Variants in RABGAP1L observed in about 807,000 individuals in gnomAD.
The protein encoded by RABGAP1L is rab GTPase-activating protein 1-like.
In RABGAP1L, 63 loss-of-function variants were observed where a neutral mutation model predicts 137.7. The ratio of observed to expected loss-of-function variants is 0.46; its 90% CI spans 0.37 to 0.56. RABGAP1L has a LOEUF of 0.56. RABGAP1L is among the 20% of genes least tolerant of loss of function. The pLI is 0.00. For synonymous variants in RABGAP1L, 431 were observed against 433.7 expected (o/e 0.99, Z 0.08); for missense variants, 1,095 against 1,244.0 (o/e 0.88, Z 1.80).
intron 13 of RABGAP1L, among the ~76,000 whole-genome samples, chr1:174,504,403 C>G (rs868617281): frequency 3.1e-4 from 45 of 144,572 alleles, no homozygotes; most frequent in African/African-American, 1.2e-3. Flanking sequence ...ATAGCCAAAG[C>G]AAACTTGAGG....
At chr1:174,925,876 G>GT (rs1427562681) in intron 19 of RABGAP1L, among the ~76,000 whole-genome samples, 2,251 of 108,258 alleles carry the variant, frequency 0.021, 16 homozygotes, top group Non-Finnish European at 0.036. Context: ...TTTTGTTTTT[G>GT]TTTTTTTTTT....
At chr1:174,384,115 A>G (rs928617522) in intron 12 of RABGAP1L, among the ~76,000 whole-genome samples, 6 of 152,232 alleles carry the variant, frequency 3.9e-5, no homozygotes, top group Non-Finnish European at 5.9e-5. Flanking sequence ...ATGAACTGAT[A>G]TACATTACAA....
chr1:174,339,093 G>C (rs1217960062), intron 11 of RABGAP1L, among the ~76,000 whole-genome samples: 1 of 152,054 alleles, frequency 6.6e-6, no homozygotes, highest in East Asian at 1.9e-4. Context: ...TTATATAATA[G>C]ATTTTCTTTG....
intron 13 of RABGAP1L, among the ~76,000 whole-genome samples, chr1:174,497,837 T>G (rs1346011602): frequency 6.6e-6 from 1 of 152,238 alleles, no homozygotes; most frequent in East Asian, 1.9e-4. Context: ...ACTGATTAGC[T>G]ACTTCATCTG....
At chr1:174,329,740 A>G (rs1680851615) in intron 11 of RABGAP1L, among the ~76,000 whole-genome samples, 1 of 152,178 alleles carries the variant, frequency 6.6e-6, no homozygotes, top group African/African-American at 2.4e-5. Context: ...TGGTCATTTC[A>G]ATTGATACAG....
intron 10 of RABGAP1L, among the ~76,000 whole-genome samples, chr1:174,301,104 T>G (rs1316724483): frequency 6.6e-6 from 1 of 152,052 alleles, no homozygotes; most frequent in East Asian, 1.9e-4. Flanking sequence ...GACTGTGTAT[T>G]CAACCTCTGG....
chr1:174,166,286 G>C (rs1216879308), intron 1 of RABGAP1L, among the ~76,000 whole-genome samples: 1 of 152,016 alleles, frequency 6.6e-6, no homozygotes, highest in Non-Finnish European at 1.5e-5. Flanking sequence ...GGCTGTAGTA[G>C]AACAGGAAGC....
chr1:174,463,456 G>A (rs140403966), intron 13 of RABGAP1L, among the ~76,000 whole-genome samples: 2,644 of 142,678 alleles, frequency 0.019, 72 homozygotes, highest in African/African-American at 0.065. Context: ...GGTGGGAATC[G>A]AACAATGAGA....
chr1:174,548,594 C>G (rs1035814994), intron 13 of RABGAP1L: 1 of 963,966 alleles, frequency 1.0e-6, no homozygotes, highest in Non-Finnish European at 1.2e-6. Flanking sequence ...TTCATACCCA[C>G]AGAAATTTGC....
At chr1:174,241,925 T>A (rs939890946) in intron 5 of RABGAP1L, among the ~76,000 whole-genome samples, 1 of 152,220 alleles carries the variant, frequency 6.6e-6, no homozygotes, top group Non-Finnish European at 1.5e-5. Flanking sequence ...AGTAAATTGC[T>A]TATGCTCAGA....
chr1:174,691,489 C>G (rs1457760557), intron 15 of RABGAP1L, among the ~76,000 whole-genome samples: 1 of 152,114 alleles, frequency 6.6e-6, no homozygotes, highest in Non-Finnish European at 1.5e-5. Context: ...TTACATCACT[C>G]AATTCTCAAT....
chr1:174,894,810 G>T (rs1656864257), intron 19 of RABGAP1L, among the ~76,000 whole-genome samples: 1 of 152,150 alleles, frequency 6.6e-6, no homozygotes, highest in Non-Finnish European at 1.5e-5. Flanking sequence ...TGGCTGTAGT[G>T]CAGTGACACG....
chr1:174,758,089 A>G (rs777034131), intron 18 of RABGAP1L, among the ~76,000 whole-genome samples: 2 of 151,372 alleles, frequency 1.3e-5, no homozygotes, highest in African/African-American at 2.4e-5. Flanking sequence ...CCTTTCCAGT[A>G]TGGTTTTTCC....
chr1:174,285,073 G>T (rs1354117187), intron 10 of RABGAP1L, among the ~76,000 whole-genome samples: 1 of 152,098 alleles, frequency 6.6e-6, no homozygotes, highest in Admixed American at 6.5e-5. Flanking sequence ...CTGGAGTGCA[G>T]TGGTATGATC....
At chr1:174,239,604 T>C (rs1413343884) in intron 4 of RABGAP1L, among the ~76,000 whole-genome samples, 2 of 152,182 alleles carry the variant, frequency 1.3e-5, no homozygotes, top group African/African-American at 4.8e-5. Context: ...TGAATTGATA[T>C]TATATTTATT....
At chr1:174,208,197 G>A (rs1668628533) in intron 1 of RABGAP1L, among the ~76,000 whole-genome samples, 2 of 151,728 alleles carry the variant, frequency 1.3e-5, no homozygotes, top group Admixed American at 6.6e-5. Flanking sequence ...ATGTAGGGAG[G>A]ATAGTGACTT....
At chr1:174,942,355 C>G (rs1666034749) in intron 19 of RABGAP1L, among the ~76,000 whole-genome samples, 2 of 152,044 alleles carry the variant, frequency 1.3e-5, no homozygotes, top group African/African-American at 4.8e-5. Flanking sequence ...CAATTTGAAG[C>G]AGTATATATA....
At chr1:174,627,319 G>A (rs1673001453) in intron 13 of RABGAP1L, among the ~76,000 whole-genome samples, 1 of 152,138 alleles carries the variant, frequency 6.6e-6, no homozygotes, top group African/African-American at 2.4e-5. Flanking sequence ...AAAAATAATA[G>A]GCTGTGGTCA....
chr1:174,868,178 C>CA (rs1651612056), intron 19 of RABGAP1L, among the ~76,000 whole-genome samples: 1 of 151,834 alleles, frequency 6.6e-6, no homozygotes, highest in Admixed American at 6.6e-5. Context: ...AGGCTGGTCT[C>CA]GAACTCCTGA....
Sources: gnomAD v4.1 joint callset for allele counts (sites outside exome capture counted in the v4.1 genomes callset) on GRCh38, gnomAD v4.1.1 for gene constraint, MANE v1.5 for transcripts, NCBI Gene and HGNC (gene_info 2026-07-23, HGNC 2026-07-21) for gene names.